PDGFD: variants seen among roughly 807,000 people sequenced by gnomAD.
PDGFD encodes the protein platelet-derived growth factor D.
Under a neutral mutation model 44.7 loss-of-function variants are expected in PDGFD, and 30 were observed. The observed-to-expected ratio is 0.67, with a 90% CI of 0.50 to 0.91. The LOEUF (loss-of-function observed/expected upper bound fraction) is 0.91. Among genes scored for constraint, PDGFD ranks in the 40% least tolerant of loss-of-function variants. The probability of loss-of-function intolerance (pLI) is 0.00; values close to 1 mark genes in which losing one functional copy is unlikely to be tolerated. For synonymous variants in PDGFD, 173 were observed against 168.4 expected (o/e 1.03, Z -0.21); for missense variants, 445 against 457.8 (o/e 0.97, Z 0.25).
rs932566530 is a variant in PDGFD, at chr11:104,114,805, C to T, written c.124+48999G>A. Among the ~76,000 whole-genome samples, 4 of 151,506 alleles carry T rather than the reference C, an allele frequency of 2.6e-5. No homozygotes were observed. The East Asian group carries it at 7.7e-4, about 29-fold the overall frequency. ...TTTGTTGTTTTCCTCATATAGACCC[C>T]GTACATATTTCATTAGATGTATACT... On this transcript the variant is annotated intron_variant, in intron 1 of 6. Transcript: ENST00000393158.
intron 1 of PDGFD, among the ~76,000 whole-genome samples, chr11:104,029,259 G>A (rs1860090317): frequency 6.6e-6 from 1 of 152,184 alleles, no homozygotes; most frequent in African/African-American, 2.4e-5. Flanking sequence ...CTTCTATACA[G>A]GCTGCTAAAT....
At chr11:104,094,240 C>A (rs927703543) in intron 1 of PDGFD, among the ~76,000 whole-genome samples, 1 of 151,902 alleles carries the variant, frequency 6.6e-6, no homozygotes, top group Non-Finnish European at 1.5e-5. Flanking sequence ...CCTTTCCTGG[C>A]CTCCTCCTAC....
intron 3 of PDGFD, among the ~76,000 whole-genome samples, chr11:103,991,117 C>T (rs944669146): frequency 3.3e-5 from 5 of 149,876 alleles, no homozygotes; most frequent in South Asian, 2.1e-4. Flanking sequence ...CCAGCCTAGG[C>T]GACAGAAAGA....
chr11:104,032,085 C>A (rs1376154404), intron 1 of PDGFD, among the ~76,000 whole-genome samples: 1 of 152,042 alleles, frequency 6.6e-6, no homozygotes, highest in African/African-American at 2.4e-5. Flanking sequence ...TGATGCAAAC[C>A]ACCATGGCAC....
chr11:103,987,511 A>C (rs1299357686), intron 3 of PDGFD, among the ~76,000 whole-genome samples: 1 of 152,138 alleles, frequency 6.6e-6, no homozygotes, highest in Non-Finnish European at 1.5e-5. Context: ...ATCAACCTTG[A>C]GCCCTCCCAA....
chr11:104,008,703 A>C (rs1003514228), intron 1 of PDGFD, among the ~76,000 whole-genome samples: 2 of 152,118 alleles, frequency 1.3e-5, no homozygotes, highest in African/African-American at 4.8e-5. Flanking sequence ...AATTTCTTTA[A>C]AGTTTCAAAG....
intron 1 of PDGFD, among the ~76,000 whole-genome samples, chr11:104,084,079 T>C (rs1487682168): frequency 6.6e-6 from 1 of 152,192 alleles, no homozygotes; most frequent in African/African-American, 2.4e-5. Context: ...TACGGATTAG[T>C]GCATTTGCTC....
chr11:104,008,771 T>G (rs1365546991), intron 1 of PDGFD, among the ~76,000 whole-genome samples: 2 of 152,146 alleles, frequency 1.3e-5, no homozygotes, highest in East Asian at 3.8e-4. Context: ...AAGGACTATG[T>G]CTTGTTAATC....
intron 1 of PDGFD, among the ~76,000 whole-genome samples, chr11:104,042,603 C>T (rs1458101063): frequency 6.6e-6 from 1 of 152,120 alleles, no homozygotes; most frequent in Non-Finnish European, 1.5e-5. Context: ...CAGATAATTT[C>T]CTCTTATGTT....
At chr11:104,021,332 C>T (rs961147160) in intron 1 of PDGFD, among the ~76,000 whole-genome samples, 11 of 152,106 alleles carry the variant, frequency 7.2e-5, no homozygotes, top group African/African-American at 1.9e-4. Context: ...CATTATTGTT[C>T]GAGTTCTTCA....
chr11:104,148,557 C>T (rs115033912), intron 1 of PDGFD, among the ~76,000 whole-genome samples: 307 of 152,176 alleles, frequency 2.0e-3, no homozygotes, highest in African/African-American at 7.1e-3. Flanking sequence ...GAAATATTTA[C>T]ATACATAATG....
chr11:104,075,413 G>C (rs967486980), intron 1 of PDGFD, among the ~76,000 whole-genome samples: 6 of 151,738 alleles, frequency 4.0e-5, no homozygotes, highest in Middle Eastern at 3.2e-3. Flanking sequence ...TAAGTGTGAG[G>C]TACACATTTT....
intron 1 of PDGFD, among the ~76,000 whole-genome samples, chr11:104,085,228 C>T (rs1346006874): frequency 6.6e-6 from 1 of 152,038 alleles, no homozygotes; most frequent in African/African-American, 2.4e-5. Flanking sequence ...AATAGCCATA[C>T]CTTTCATCCA....
chr11:104,063,008 T>C (rs932007429), intron 1 of PDGFD, among the ~76,000 whole-genome samples: 4 of 152,170 alleles, frequency 2.6e-5, no homozygotes, highest in African/African-American at 9.6e-5. Flanking sequence ...TTGAGTTATA[T>C]AAACACTGAA....
chr11:104,037,268 T>G, intron 1 of PDGFD: 1 of 1,613,546 alleles, frequency 6.2e-7, no homozygotes, highest in African/African-American at 1.3e-5. Flanking sequence ...ATCCGCAGCA[T>G]GCTGCTCTCC....
chr11:104,054,201 G>A (rs182089209), intron 1 of PDGFD, among the ~76,000 whole-genome samples: 164 of 152,324 alleles, frequency 1.1e-3, no homozygotes, highest in African/African-American at 3.4e-3. Flanking sequence ...CAAAGGAAGC[G>A]AAAAGCTCCA....
intron 1 of PDGFD, among the ~76,000 whole-genome samples, chr11:104,010,698 T>C (rs956564674): frequency 3.3e-5 from 5 of 152,128 alleles, no homozygotes; most frequent in African/African-American, 1.2e-4. Context: ...TTCATATTAA[T>C]TAATTCTCTG....
At chr11:104,119,108 A>G (rs1248755691) in intron 1 of PDGFD, among the ~76,000 whole-genome samples, 203 of 13,740 alleles carry the variant, frequency 0.015, 34 homozygotes, top group African/African-American at 0.016. Context: ...TATATAATAT[A>G]TTAATATAAT....
chr11:103,951,217 G>C (rs1365303138), intron 3 of PDGFD, among the ~76,000 whole-genome samples: 1 of 152,062 alleles, frequency 6.6e-6, no homozygotes, highest in African/African-American at 2.4e-5. Context: ...TTTAAATTAA[G>C]CTTATAAAAA....
Sources: gnomAD v4.1 joint callset for allele counts (sites outside exome capture counted in the v4.1 genomes callset) on GRCh38, gnomAD v4.1.1 for gene constraint, MANE v1.5 for transcripts, NCBI Gene and HGNC (gene_info 2026-07-23, HGNC 2026-07-21) for gene names.